Variants in DSCAM observed in about 807,000 individuals in gnomAD.
DSCAM encodes the protein DS cell adhesion molecule.
Under a neutral mutation model 217.7 loss-of-function variants are expected in DSCAM, and 47 were observed. The ratio of observed to expected loss-of-function variants is 0.22; its 90% confidence interval spans 0.17 to 0.28. The LOEUF (loss-of-function observed/expected upper bound fraction) is 0.28, where lower values mean the gene tolerates loss of function less well. DSCAM is among the 10% of genes least tolerant of loss of function. DSCAM has a pLI of 1.00. For missense variants in DSCAM, 2,080 were observed against 2,618.3 expected, an observed-to-expected ratio of 0.79 and a Z score of 4.49; for synonymous variants, 1,056 against 1,015.3, an observed-to-expected ratio of 1.04 and a Z score of -0.76.
chr21:40,659,353 GTATCTATCTATC>G (rs55878811), intron 3 of DSCAM, among the ~76,000 whole-genome samples: 34,636 of 148,356 alleles, frequency 0.23, 4,467 homozygotes, highest in Non-Finnish European at 0.29. Context: ...GATCAGATGA[GTATCTATCTATC>G]TATCTATCTA....
At chr21:40,630,015 T>G (rs916891003) in intron 3 of DSCAM, among the ~76,000 whole-genome samples, 1 of 152,198 alleles carries the variant, frequency 6.6e-6, no homozygotes, top group African/African-American at 2.4e-5. Flanking sequence ...GTGCCCTTTA[T>G]GACCTAGATT....
chr21:40,318,666 G>A (rs1004517475), intron 8 of DSCAM, among the ~76,000 whole-genome samples: 6 of 152,282 alleles, frequency 3.9e-5, no homozygotes, highest in African/African-American at 1.2e-4. Flanking sequence ...TGCTGGTCCC[G>A]TGACCTGCAC....
intron 32 of DSCAM, among the ~76,000 whole-genome samples, chr21:40,030,819 CAG>C (rs1367787590): frequency 6.6e-6 from 1 of 152,124 alleles, no homozygotes; most frequent in Non-Finnish European, 1.5e-5. Flanking sequence ...CCCTCAGACT[CAG>C]AAAGTGACAG....
At chr21:40,409,144 A>G (rs2075302096) in intron 3 of DSCAM, among the ~76,000 whole-genome samples, 1 of 152,254 alleles carries the variant, frequency 6.6e-6, no homozygotes, top group Non-Finnish European at 1.5e-5. Context: ...AAAACTGTAC[A>G]GTAAATACTG....
At chr21:40,067,642 T>A (rs1265594477) in intron 27 of DSCAM, among the ~76,000 whole-genome samples, 3 of 151,904 alleles carry the variant, frequency 2.0e-5, no homozygotes, top group Non-Finnish European at 2.9e-5. Context: ...TGAAAAAAAA[T>A]AAATCCTTTT....
At chr21:40,433,242 G>C (rs144640048) in intron 3 of DSCAM, among the ~76,000 whole-genome samples, 1 of 151,758 alleles carries the variant, frequency 6.6e-6, no homozygotes, top group Non-Finnish European at 1.5e-5. Flanking sequence ...CCAGCTACGC[G>C]GGAGGCTGAG....
At chr21:40,706,043 T>C (rs2090712567) in intron 2 of DSCAM, among the ~76,000 whole-genome samples, 1 of 151,322 alleles carries the variant, frequency 6.6e-6, no homozygotes, top group Admixed American at 6.6e-5. Flanking sequence ...TAGCTGGGTG[T>C]GGTGGCGGGT....
intron 3 of DSCAM, among the ~76,000 whole-genome samples, chr21:40,422,708 G>A (rs1205788926): frequency 6.6e-6 from 1 of 152,098 alleles, no homozygotes; most frequent in African/African-American, 2.4e-5. Flanking sequence ...TTGTTTTTCT[G>A]GATTTTCAAT....
intron 3 of DSCAM, among the ~76,000 whole-genome samples, chr21:40,670,995 TG>T (rs1309774493): frequency 6.6e-6 from 1 of 152,062 alleles, no homozygotes; most frequent in African/African-American, 2.4e-5. Flanking sequence ...TATAAGAAAA[TG>T]CATCCTGAGG....
chr21:40,076,037 A>C (rs1302417137), intron 26 of DSCAM, among the ~76,000 whole-genome samples: 1 of 152,106 alleles, frequency 6.6e-6, no homozygotes, highest in Non-Finnish European at 1.5e-5. Flanking sequence ...TGCACTTTCC[A>C]TGTACAACAA....
intron 3 of DSCAM, among the ~76,000 whole-genome samples, chr21:40,624,025 T>C (rs1365506055): frequency 6.6e-6 from 1 of 152,168 alleles, no homozygotes; most frequent in Non-Finnish European, 1.5e-5. Flanking sequence ...TGGCGATAAG[T>C]CTTGAGGATG....
intron 3 of DSCAM, among the ~76,000 whole-genome samples, chr21:40,425,982 TA>T (rs1433938600): frequency 5.3e-5 from 8 of 152,252 alleles, no homozygotes; most frequent in African/African-American, 1.9e-4. Flanking sequence ...AACTTTTCAG[TA>T]AATTTCACTT....
At chr21:40,476,209 G>A (rs2075934212) in intron 3 of DSCAM, among the ~76,000 whole-genome samples, 1 of 152,140 alleles carries the variant, frequency 6.6e-6, no homozygotes, top group South Asian at 2.1e-4. Flanking sequence ...CCATTTGAAG[G>A]CCCTTAGTGA....
intron 3 of DSCAM, among the ~76,000 whole-genome samples, chr21:40,431,543 G>A (rs2075532287): frequency 6.6e-6 from 1 of 152,184 alleles, no homozygotes; most frequent in Admixed American, 6.5e-5. Flanking sequence ...AGATGATGAA[G>A]ACGAAGACCT....
chr21:40,195,540 T>C (rs1048230945), intron 11 of DSCAM, among the ~76,000 whole-genome samples: 6 of 152,146 alleles, frequency 3.9e-5, no homozygotes, highest in Non-Finnish European at 7.3e-5. Context: ...ACCATCATCG[T>C]CATGATCACC....
At chr21:40,105,075 T>A (rs924930608) in intron 20 of DSCAM, among the ~76,000 whole-genome samples, 1 of 152,160 alleles carries the variant, frequency 6.6e-6, no homozygotes, top group African/African-American at 2.4e-5. Flanking sequence ...CAGGGCCTCT[T>A]TCTGTATGAA....
chr21:40,483,774 A>G (rs1216109133), intron 3 of DSCAM, among the ~76,000 whole-genome samples: 1 of 152,152 alleles, frequency 6.6e-6, no homozygotes, highest in South Asian at 2.1e-4. Context: ...CATTTTAACA[A>G]TAGTACCCAG....
chr21:40,577,486 G>C (rs1407024912), intron 3 of DSCAM, among the ~76,000 whole-genome samples: 1 of 152,150 alleles, frequency 6.6e-6, no homozygotes, highest in Non-Finnish European at 1.5e-5. Flanking sequence ...TCCTTCCGGG[G>C]GAGCCCGGAG....
intron 2 of DSCAM, among the ~76,000 whole-genome samples, chr21:40,695,559 A>T (rs575419929): frequency 3.9e-5 from 6 of 152,176 alleles, no homozygotes; most frequent in Non-Finnish European, 8.8e-5. Context: ...TCTGAACCCC[A>T]GCTCGCTCAA....
Sources: allele counts gnomAD v4.1 joint callset (sites outside exome capture counted in the v4.1 genomes callset), GRCh38; gene constraint gnomAD v4.1.1; transcripts MANE v1.5; gene names NCBI Gene and HGNC (gene_info 2026-07-23, HGNC 2026-07-21).